NFATC3: variants seen among roughly 807,000 people sequenced by gnomAD.
NFATC3 encodes the protein nuclear factor of activated T cells 3.
Under a neutral mutation model 98.6 loss-of-function variants are expected in NFATC3, and 46 were observed. The observed-to-expected ratio is 0.47, with a 90% confidence interval of 0.37 to 0.60. NFATC3 has a LOEUF of 0.60. Ranked by LOEUF, NFATC3 falls within the 20% of genes least tolerant of loss-of-function variation. NFATC3 has a pLI of 0.00. For synonymous variants in NFATC3, 512 were observed against 472.2 expected (o/e 1.08, Z -1.09); for missense variants, 1,256 against 1,295.5 (o/e 0.97, Z 0.47).
chr16:68,152,378 C>CAAAAAAAAAAAAA, intron 3 of NFATC3, among the ~76,000 whole-genome samples: 1 of 75,854 alleles, frequency 1.3e-5, no homozygotes, highest in Non-Finnish European at 2.6e-5. Context: ...GACTCTGTCT[C>CAAAAAAAAAAAAA]AAAAAAAAAA....
At position 68,140,973 on chromosome 16, in the gene NFATC3, A is replaced by G. The variant is rs1422982795; in HGVS notation, c.1401+14363A>G. ...TATCCTACCCTCTTCTGAGTCTACA[A>G]TATCCATTATACCACTCTTTATGCC... is the stretch of plus-strand genomic sequence containing the variant. On this transcript the variant is annotated intron_variant, in intron 3 of 9. Coordinates refer to ENST00000346183, the MANE Select transcript of NFATC3 (RefSeq NM_173165.3). 2.0e-5 allele frequency among the ~76,000 whole-genome samples: 3 copies of G among 152,060 alleles called. No homozygotes were observed. The East Asian group carries it at 5.8e-4, about 29-fold the overall frequency.
rs564876693 is a variant in NFATC3, at chr16:68,182,133, A to G, written c.1971+603A>G. Among the ~76,000 whole-genome samples, 15 of 152,352 alleles carry G rather than the reference A, an allele frequency of 9.8e-5. No individual in the cohort carries two copies. In the South Asian group the frequency reaches 2.7e-3, roughly 27 times the overall value. ...CTGAACTCATTTAGGAATAAAAACA[A>G]ATTCAATAAAGAACATATGTATAGG... is the stretch of plus-strand genomic sequence containing the variant. On this transcript the variant is annotated intron_variant, in intron 7 of 9. Transcript: ENST00000346183.
Position 68,166,870 on chromosome 16 carries a change from C to T in NFATC3, c.1629C>T (p.Leu543=). 6.2e-7 allele frequency: 1 copy of T among 1,613,652 alleles called. No homozygotes were observed. The highest frequency in any genetic ancestry group is 1.1e-5 in the South Asian group (1 of 91,034). The stretch of plus-strand genomic sequence containing the variant: ...TTGATTGTGCAGGTATTTTGAAACT[C>T]CGCAATTCAGATATAGAACTTCGAA... ...ASIDCAGILK[L]RNSDIELRKG... Residue 543 remains leucine, a synonymous_variant, in exon 5 of 10, where the codon CTC becomes CTT. Transcript: ENST00000346183.
At chr16:68,149,847 G>A (rs1280975256) in intron 3 of NFATC3, among the ~76,000 whole-genome samples, 1 of 152,136 alleles carries the variant, frequency 6.6e-6, no homozygotes, top group Non-Finnish European at 1.5e-5. Context: ...CATATAAACA[G>A]CCACAAAGGG....
chr16:68,192,934 T>TA (rs1272171748), intron 9 of NFATC3, among the ~76,000 whole-genome samples: 1 of 152,074 alleles, frequency 6.6e-6, no homozygotes, highest in Non-Finnish European at 1.5e-5. Context: ...CTTCTGTGAG[T>TA]AGGTGACATT....
At chr16:68,135,846 C>G (rs1052680514) in intron 3 of NFATC3, among the ~76,000 whole-genome samples, 2 of 151,994 alleles carry the variant, frequency 1.3e-5, no homozygotes, top group Non-Finnish European at 2.9e-5. Context: ...GTGGATCACC[C>G]AAGGTCAGGA....
At chr16:68,207,119 G>A (rs1598596588) in intron 9 of NFATC3, among the ~76,000 whole-genome samples, 1 of 151,224 alleles carries the variant, frequency 6.6e-6, no homozygotes, top group Non-Finnish European at 1.5e-5. Flanking sequence ...AGACCAGCCT[G>A]ACCAACACGG....
At chr16:68,096,519 G>A (rs2035026424) in intron 1 of NFATC3, among the ~76,000 whole-genome samples, 1 of 152,110 alleles carries the variant, frequency 6.6e-6, no homozygotes, top group Admixed American at 6.5e-5. Flanking sequence ...ATTATTATGT[G>A]CCAAATACTG....
At chr16:68,140,019 C>CA (rs1348075214) in intron 3 of NFATC3, among the ~76,000 whole-genome samples, 3 of 152,000 alleles carry the variant, frequency 2.0e-5, no homozygotes, top group Non-Finnish European at 4.4e-5. Context: ...TTTTTTGAGA[C>CA]AGAGTCTCAT....
intron 1 of NFATC3, among the ~76,000 whole-genome samples, chr16:68,112,011 C>T (rs1030913406): frequency 2.0e-5 from 3 of 152,028 alleles, no homozygotes; most frequent in Non-Finnish European, 4.4e-5. Context: ...ATGGGCTTAC[C>T]TTTGTGGTGA....
chr16:68,171,310 G>T (rs539277654), intron 5 of NFATC3, among the ~76,000 whole-genome samples: 1 of 151,830 alleles, frequency 6.6e-6, no homozygotes, highest in Non-Finnish European at 1.5e-5. Context: ...CACCCAGCCT[G>T]TGCACACTTT....
chr16:68,104,653 G>GTTTT (rs778016298), intron 1 of NFATC3, among the ~76,000 whole-genome samples: 1,454 of 126,668 alleles, frequency 0.011, 77 homozygotes, highest in African/African-American at 0.041. Context: ...TTCACAAATG[G>GTTTT]TTTTTTTTTT....
At chr16:68,127,666 G>A (rs1475002046) in intron 3 of NFATC3, among the ~76,000 whole-genome samples, 2 of 143,432 alleles carry the variant, frequency 1.4e-5, no homozygotes, top group African/African-American at 5.2e-5. Context: ...CCAGCCTGGG[G>A]AACAGAATGA....
At chr16:68,198,912 G>A (rs996361711) in intron 9 of NFATC3, among the ~76,000 whole-genome samples, 1 of 152,128 alleles carries the variant, frequency 6.6e-6, no homozygotes, top group African/African-American at 2.4e-5. Flanking sequence ...GCCAGACATG[G>A]TGGTGCGTGC....
chr16:68,104,971 C>G (rs542814824), intron 1 of NFATC3, among the ~76,000 whole-genome samples: 13 of 151,978 alleles, frequency 8.6e-5, no homozygotes, highest in Non-Finnish European at 1.5e-4. Context: ...TGCTCTTGAT[C>G]ATGTTAAGGA....
chr16:68,197,348 A>T (rs1324543676), intron 9 of NFATC3, among the ~76,000 whole-genome samples: 1 of 152,184 alleles, frequency 6.6e-6, no homozygotes, highest in Non-Finnish European at 1.5e-5. Flanking sequence ...CAGTGCTGTG[A>T]ACACAGCTCA....
intron 9 of NFATC3, among the ~76,000 whole-genome samples, chr16:68,216,528 G>C (rs1468991889): frequency 6.6e-6 from 1 of 151,572 alleles, no homozygotes; most frequent in Non-Finnish European, 1.5e-5. Flanking sequence ...CATAGAAGAG[G>C]TTTTCTTTTT....
chr16:68,087,021 T>G (rs1167253832), intron 1 of NFATC3, among the ~76,000 whole-genome samples: 1 of 152,220 alleles, frequency 6.6e-6, no homozygotes, highest in Non-Finnish European at 1.5e-5. Flanking sequence ...AGGAGACACA[T>G]AGTCCAAGTA....
chr16:68,095,708 G>A (rs1234187427), intron 1 of NFATC3, among the ~76,000 whole-genome samples: 1 of 152,138 alleles, frequency 6.6e-6, no homozygotes, highest in Non-Finnish European at 1.5e-5. Context: ...TACTTTCTCT[G>A]GCACTTGCTT....
Sources: gnomAD v4.1 joint callset for allele counts (sites outside exome capture counted in the v4.1 genomes callset) on GRCh38, gnomAD v4.1.1 for gene constraint, MANE v1.5 for transcripts, NCBI Gene and HGNC (gene_info 2026-07-23, HGNC 2026-07-21) for gene names.